The following SLC35F4 variants were observed in gnomAD, a reference collection of about 807,000 sequenced individuals.
The protein encoded by SLC35F4 is solute carrier family 35 member F4.
A neutral mutation model predicts 44.2 loss-of-function variants in SLC35F4; 24 were observed. That is an observed-to-expected ratio of 0.54 (90% CI 0.39 to 0.76). SLC35F4 has a LOEUF of 0.76. Among genes scored for constraint, SLC35F4 ranks in the 30% least tolerant of loss-of-function variants. SLC35F4 has a pLI of 0.00. For synonymous variants in SLC35F4, 238 were observed against 223.6 expected (o/e 1.06, Z -0.57); for missense variants, 562 against 586.1 (o/e 0.96, Z 0.42).
At position 57,925,547 on chromosome 14, in the gene SLC35F4, A is replaced by G. The variant is rs376089783; in HGVS notation, n.282+56366T>C. 9.4e-3 allele frequency among the ~76,000 whole-genome samples: 1,003 copies of G among 106,866 alleles called. 3 individuals carry two copies. Among genetic ancestry groups the G allele is most frequent in the African/African-American group, 0.012 (313 of 25,288 alleles). 70.1% of individuals were successfully genotyped at this position (106,866 alleles called of 152,430 possible). ...GGAGGGAGGGAGGGAGGGAGGGAGG[A>G]AGGAAGGAAGGAAGGATGACAGGCA... On this transcript the variant is annotated intron_variant and non_coding_transcript_variant, in intron 1 of 1. Transcript: ENST00000556568.
intron 1 of SLC35F4, among the ~76,000 whole-genome samples, chr14:57,705,173 T>A (rs981463299): frequency 2.0e-5 from 3 of 152,138 alleles, no homozygotes; most frequent in African/African-American, 7.2e-5. Flanking sequence ...TAATAAATGC[T>A]AGCTAGTAAA....
At chr14:57,611,160 G>A (rs894338042) in intron 1 of SLC35F4, among the ~76,000 whole-genome samples, 17 of 152,316 alleles carry the variant, frequency 1.1e-4, no homozygotes, top group African/African-American at 4.1e-4. Context: ...AGAGTTTGGT[G>A]TGTTATAGGA....
intron 1 of SLC35F4, among the ~76,000 whole-genome samples, chr14:57,851,855 A>G (rs894095451): frequency 6.6e-6 from 1 of 152,220 alleles, no homozygotes; most frequent in African/African-American, 2.4e-5. Flanking sequence ...TGAGTGAGGA[A>G]GCTGAGTGAG....
intron 1 of SLC35F4, among the ~76,000 whole-genome samples, chr14:57,958,189 C>T (rs1361742744): frequency 1.3e-5 from 2 of 152,142 alleles, no homozygotes; most frequent in African/African-American, 4.8e-5. Context: ...TCCCCAGCAG[C>T]TGGGACTACA....
At chr14:57,895,940 C>A (rs1050365175) in intron 1 of SLC35F4, among the ~76,000 whole-genome samples, 8 of 152,050 alleles carry the variant, frequency 5.3e-5, no homozygotes, top group African/African-American at 1.9e-4. Context: ...GTAATTTATA[C>A]AATTTTCTTC....
At chr14:57,836,035 G>C (rs1011016354) in intron 1 of SLC35F4, among the ~76,000 whole-genome samples, 4 of 152,162 alleles carry the variant, frequency 2.6e-5, no homozygotes, top group Non-Finnish European at 4.4e-5. Context: ...AACTACCGGT[G>C]ACCTGGTATT....
chr14:57,579,399 C>G (rs1380819745), intron 4 of SLC35F4: 2 of 152,172 alleles, frequency 1.3e-5, no homozygotes, highest in African/African-American at 2.4e-5. Flanking sequence ...TTCTTTTTCT[C>G]TAAAATACCT....
chr14:57,663,384 G>A (rs1430969680), intron 1 of SLC35F4, among the ~76,000 whole-genome samples: 1 of 152,084 alleles, frequency 6.6e-6, no homozygotes, highest in Non-Finnish European at 1.5e-5. Context: ...TAGAGCCCAA[G>A]TTCAGATTGT....
intron 1 of SLC35F4, among the ~76,000 whole-genome samples, chr14:57,786,343 A>G (rs1236588098): frequency 6.6e-6 from 1 of 152,154 alleles, no homozygotes; most frequent in Non-Finnish European, 1.5e-5. Flanking sequence ...CCCTGGTAGC[A>G]GAAGACAAAG....
chr14:57,635,554 C>T (rs1211009149), intron 1 of SLC35F4, among the ~76,000 whole-genome samples: 1 of 151,998 alleles, frequency 6.6e-6, no homozygotes, highest in African/African-American at 2.4e-5. Flanking sequence ...TGAGTGAGAT[C>T]AGCTAACACA....
intron 1 of SLC35F4, among the ~76,000 whole-genome samples, chr14:57,714,266 T>A (rs1358385233): frequency 1.3e-5 from 2 of 152,174 alleles, no homozygotes; most frequent in African/African-American, 4.8e-5. Flanking sequence ...ATGCATCCAC[T>A]CTTTAAGCCA....
At chr14:57,950,231 C>CT (rs960047945) in intron 1 of SLC35F4, among the ~76,000 whole-genome samples, 7 of 150,702 alleles carry the variant, frequency 4.6e-5, no homozygotes, top group South Asian at 4.2e-4. Flanking sequence ...TTTTTTTATT[C>CT]TTTTTTTTTC....
At chr14:57,728,512 G>T (rs564287849) in intron 1 of SLC35F4, among the ~76,000 whole-genome samples, 1 of 119,494 alleles carries the variant, frequency 8.4e-6, no homozygotes, top group Non-Finnish European at 1.6e-5. Flanking sequence ...GCAATGGCAC[G>T]ATCTCGGCTC....
At chr14:57,758,821 T>C (rs1250808084) in intron 1 of SLC35F4, among the ~76,000 whole-genome samples, 1 of 152,220 alleles carries the variant, frequency 6.6e-6, no homozygotes, top group African/African-American at 2.4e-5. Flanking sequence ...CAATATTGTA[T>C]AGAAGATCTC....
intron 1 of SLC35F4, among the ~76,000 whole-genome samples, chr14:57,899,832 G>A (rs113616443): frequency 0.036 from 5,515 of 152,112 alleles, 338 homozygotes; most frequent in African/African-American, 0.13. Context: ...GGACCTTTGC[G>A]GTGAGTGTTA....
chr14:57,925,163 T>A (rs1889531813), intron 1 of SLC35F4, among the ~76,000 whole-genome samples: 1 of 148,524 alleles, frequency 6.7e-6, no homozygotes, highest in South Asian at 2.2e-4. Context: ...AGGGATTCAC[T>A]CCCATAGGCC....
At chr14:57,591,212 G>A (rs576514770) in intron 2 of SLC35F4, among the ~76,000 whole-genome samples, 9 of 152,310 alleles carry the variant, frequency 5.9e-5, no homozygotes, top group South Asian at 4.2e-4. Context: ...ATGGTCTAGT[G>A]GAAAGCCAGA....
intron 1 of SLC35F4, among the ~76,000 whole-genome samples, chr14:57,862,965 T>C (rs995867556): frequency 6.6e-6 from 1 of 152,238 alleles, no homozygotes; most frequent in African/African-American, 2.4e-5. Context: ...AATTAACACT[T>C]GTTGAATGAA....
intron 1 of SLC35F4, among the ~76,000 whole-genome samples, chr14:57,636,945 C>G (rs1381482774): frequency 6.6e-6 from 1 of 152,078 alleles, no homozygotes; most frequent in Admixed American, 6.6e-5. Flanking sequence ...AAAATTACAT[C>G]TGCCAACAAA....
Sources: gnomAD v4.1 joint callset for allele counts (sites outside exome capture counted in the v4.1 genomes callset) on GRCh38, gnomAD v4.1.1 for gene constraint, MANE v1.5 for transcripts, NCBI Gene and HGNC (gene_info 2026-07-23, HGNC 2026-07-21) for gene names.